The following CSMD1 variants were observed in gnomAD, a reference collection of about 807,000 sequenced individuals.
CSMD1 encodes the protein CUB and sushi domain-containing protein 1.
In CSMD1, 213 loss-of-function variants were observed where a neutral mutation model predicts 417.5. That is an observed-to-expected ratio of 0.51 (90% CI 0.46 to 0.57). The LOEUF (loss-of-function observed/expected upper bound fraction) is 0.57. Among genes scored for constraint, CSMD1 ranks in the 20% least tolerant of loss-of-function variants. The pLI is 0.00. For synonymous variants in CSMD1, 2,862 were observed against 1,736.8 expected (o/e 1.65, Z -16.11); for missense variants, 6,923 against 4,529.7 (o/e 1.53, Z -15.17).
At chr8:3,646,253 T>A (rs150821064) in intron 7 of CSMD1, among the ~76,000 whole-genome samples, 8 of 152,164 alleles carry the variant, frequency 5.3e-5, no homozygotes, top group African/African-American at 1.9e-4. Flanking sequence ...AAACGTGATA[T>A]GCTGAGATGT....
intron 7 of CSMD1, among the ~76,000 whole-genome samples, chr8:3,666,792 T>G (rs189013776): frequency 6.6e-6 from 1 of 152,072 alleles, no homozygotes; most frequent in African/African-American, 2.4e-5. Context: ...CCATCATGAT[T>G]GTGAGGCCTC....
intron 2 of CSMD1, among the ~76,000 whole-genome samples, chr8:4,459,144 C>G (rs1799659780): frequency 6.6e-6 from 1 of 152,242 alleles, no homozygotes; most frequent in South Asian, 2.1e-4. Context: ...TTCTCATCCT[C>G]ACAAGCTTCA....
At chr8:4,513,962 C>T (rs370447537) in intron 2 of CSMD1, among the ~76,000 whole-genome samples, 1 of 152,276 alleles carries the variant, frequency 6.6e-6, no homozygotes. Context: ...TCACTTGGGA[C>T]TCTTTTTAAC....
chr8:4,828,462 G>C (rs1361431565), intron 1 of CSMD1, among the ~76,000 whole-genome samples: 1 of 152,050 alleles, frequency 6.6e-6, no homozygotes, highest in African/African-American at 2.4e-5. Context: ...GCCAAATTCA[G>C]GGAGCTTCTG....
At chr8:3,813,578 A>T (rs779498327) in intron 5 of CSMD1, among the ~76,000 whole-genome samples, 2 of 152,204 alleles carry the variant, frequency 1.3e-5, no homozygotes, top group Admixed American at 6.5e-5. Context: ...CAATTTAACA[A>T]GAATTTTAAG....
At chr8:4,889,456 G>A (rs989893028) in intron 1 of CSMD1, among the ~76,000 whole-genome samples, 2 of 152,048 alleles carry the variant, frequency 1.3e-5, no homozygotes, top group African/African-American at 4.8e-5. Context: ...AGCTTTGTAG[G>A]TGAGGCCATT....
intron 1 of CSMD1, among the ~76,000 whole-genome samples, chr8:4,974,249 C>G (rs1234460727): frequency 6.6e-6 from 1 of 151,366 alleles, no homozygotes; most frequent in Non-Finnish European, 1.5e-5. Flanking sequence ...TGGTCTTGAA[C>G]TCCTGACCTC....
chr8:4,561,229 T>A (rs1350035912), intron 2 of CSMD1, among the ~76,000 whole-genome samples: 1 of 151,888 alleles, frequency 6.6e-6, no homozygotes, highest in Non-Finnish European at 1.5e-5. Context: ...AAACAAACAG[T>A]CAGGCGTGGT....
At chr8:3,862,340 A>T (rs1019143209) in intron 5 of CSMD1, among the ~76,000 whole-genome samples, 2 of 152,126 alleles carry the variant, frequency 1.3e-5, no homozygotes, top group African/African-American at 4.8e-5. Context: ...CCACCAGGTG[A>T]CCTCACTTTG....
intron 5 of CSMD1, among the ~76,000 whole-genome samples, chr8:3,869,005 C>G (rs1425767081): frequency 1.3e-5 from 2 of 152,244 alleles, no homozygotes; most frequent in East Asian, 1.9e-4. Flanking sequence ...CTTTCCAGCT[C>G]TCTCGAAGTA....
intron 49 of CSMD1, among the ~76,000 whole-genome samples, chr8:3,075,130 C>A (rs1425806367): frequency 6.6e-6 from 1 of 152,138 alleles, no homozygotes; most frequent in Non-Finnish European, 1.5e-5. Context: ...CCTTCACCTT[C>A]TGCCATGATT....
chr8:3,402,001 T>C (rs1469545729), intron 15 of CSMD1, among the ~76,000 whole-genome samples: 2 of 152,078 alleles, frequency 1.3e-5, no homozygotes, highest in Non-Finnish European at 2.9e-5. Flanking sequence ...AATTCCCTGA[T>C]ACTGTATTTC....
chr8:3,887,402 C>G (rs1563179404), intron 5 of CSMD1, among the ~76,000 whole-genome samples: 1 of 152,176 alleles, frequency 6.6e-6, no homozygotes, highest in African/African-American at 2.4e-5. Flanking sequence ...AAGTTACCTT[C>G]TACTCTGTCT....
At chr8:3,466,377 T>C (rs1816791092) in intron 12 of CSMD1, among the ~76,000 whole-genome samples, 1 of 151,988 alleles carries the variant, frequency 6.6e-6, no homozygotes, top group African/African-American at 2.4e-5. Flanking sequence ...CATTTAACTC[T>C]ATGTGAATAT....
intron 5 of CSMD1, among the ~76,000 whole-genome samples, chr8:3,855,052 G>A (rs865864516): frequency 9.2e-5 from 14 of 152,062 alleles, no homozygotes; most frequent in African/African-American, 3.4e-4. Context: ...CAGAGAGCTT[G>A]AGAGAAATGA....
chr8:4,269,907 A>T (rs551668931), intron 3 of CSMD1, among the ~76,000 whole-genome samples: 2 of 152,198 alleles, frequency 1.3e-5, no homozygotes, highest in Admixed American at 6.6e-5. Flanking sequence ...ATTCCATTAC[A>T]GATGGAGGAA....
intron 1 of CSMD1, among the ~76,000 whole-genome samples, chr8:4,825,080 T>C (rs1281796303): frequency 6.6e-6 from 1 of 152,146 alleles, no homozygotes; most frequent in Admixed American, 6.6e-5. Context: ...CCATTTTAAA[T>C]ACTGCATACA....
In CSMD1 at chr8:3,672,181, T is replaced by C. The variant is rs191779437; in HGVS notation, c.1009+36233A>G. Reference sequence around the variant, plus strand: ...TGAAATCTCTTTATGGTCAGGGATCTTATAAGTTTGATGAAATTGACTGAG... The same window carrying C: ...TGAAATCTCTTTATGGTCAGGGATCCTATAAGTTTGATGAAATTGACTGAG... On this transcript the variant is annotated intron_variant, in intron 7 of 69. Coordinates refer to ENST00000635120, the MANE Select transcript of CSMD1 (RefSeq NM_033225.6). Among the ~76,000 whole-genome samples, 14 of 152,312 alleles carry C rather than the reference T, an allele frequency of 9.2e-5. No homozygotes were observed. In the East Asian group the frequency reaches 2.7e-3, roughly 29 times the overall value.
Position 3,790,557 on chromosome 8 carries a change from C to G in CSMD1, c.819-36515G>C, listed in dbSNP as rs117367841. ...ATAATAACAACAGAAACTTAGACAA[C>G]TAGGAACAATCATAATTTTTTTTTA... On this transcript the variant is annotated intron_variant, in intron 5 of 69. Coordinates refer to ENST00000635120, the MANE Select transcript of CSMD1 (RefSeq NM_033225.6). Among the ~76,000 whole-genome samples, 1,130 of 152,188 alleles carry G rather than the reference C, an allele frequency of 7.4e-3. 11 individuals are homozygous for G. Among genetic ancestry groups the G allele is most frequent in the Non-Finnish European group, 0.013 (862 of 67,988 alleles).
Sources: gnomAD v4.1 joint callset for allele counts (sites outside exome capture counted in the v4.1 genomes callset) on GRCh38, gnomAD v4.1.1 for gene constraint, MANE v1.5 for transcripts, NCBI Gene and HGNC (gene_info 2026-07-23, HGNC 2026-07-21) for gene names.